HS6ST3: variants seen among roughly 807,000 people sequenced by gnomAD.
HS6ST3 encodes heparan sulfate 6-O-sulfotransferase 3.
Under a neutral mutation model 36.7 loss-of-function variants are expected in HS6ST3, and 12 were observed. The observed-to-expected ratio is 0.33, with a 90% CI of 0.21 to 0.53. The LOEUF (loss-of-function observed/expected upper bound fraction) is 0.53. HS6ST3 is among the 20% of genes least tolerant of loss of function. The pLI, the probability that HS6ST3 is intolerant of heterozygous loss-of-function variation, is 0.95. For synonymous variants in HS6ST3, 240 were observed against 257.5 expected (o/e 0.93, Z 0.65); for missense variants, 584 against 640.9 (o/e 0.91, Z 0.96).
intron 1 of HS6ST3, among the ~76,000 whole-genome samples, chr13:96,819,384 C>T (rs756456889): frequency 8.5e-5 from 13 of 152,148 alleles, no homozygotes; most frequent in Non-Finnish European, 2.9e-5. Flanking sequence ...AAAAAACATA[C>T]CAGAAGGCAT....
chr13:96,686,867 GT>G (rs996458673), intron 1 of HS6ST3, among the ~76,000 whole-genome samples: 11 of 151,964 alleles, frequency 7.2e-5, no homozygotes, highest in Admixed American at 3.9e-4. Flanking sequence ...TTACACATCT[GT>G]TATCTACAGT....
At chr13:96,553,883 T>C (rs989303222) in intron 1 of HS6ST3, among the ~76,000 whole-genome samples, 1 of 152,100 alleles carries the variant, frequency 6.6e-6, no homozygotes, top group Admixed American at 6.5e-5. Context: ...GGTAACAGCT[T>C]GATGAAGGAG....
intron 1 of HS6ST3, among the ~76,000 whole-genome samples, chr13:96,564,748 T>A (rs1205809211): frequency 1.3e-5 from 2 of 152,034 alleles, no homozygotes; most frequent in Admixed American, 1.3e-4. Flanking sequence ...TGACCCTAAA[T>A]AAATACACAA....
At chr13:96,496,320 G>C (rs1023647772) in intron 1 of HS6ST3, among the ~76,000 whole-genome samples, 1 of 152,166 alleles carries the variant, frequency 6.6e-6, no homozygotes, top group Admixed American at 6.5e-5. Context: ...CTGGAAGATT[G>C]CTTCCAAGAA....
At chr13:96,170,578 G>GT (rs1012038096) in intron 1 of HS6ST3, among the ~76,000 whole-genome samples, 32 of 150,908 alleles carry the variant, frequency 2.1e-4, no homozygotes, top group Non-Finnish European at 2.7e-4. Flanking sequence ...GGGAGAGAGG[G>GT]TTTTTTTTTC....
chr13:96,655,485 C>T (rs1218471474), intron 1 of HS6ST3, among the ~76,000 whole-genome samples: 1 of 152,114 alleles, frequency 6.6e-6, no homozygotes, highest in Admixed American at 6.6e-5. Flanking sequence ...TGCTGATTAT[C>T]GTTTAAGTCT....
chr13:96,554,897 G>A (rs1377739296), intron 1 of HS6ST3, among the ~76,000 whole-genome samples: 1 of 151,820 alleles, frequency 6.6e-6, no homozygotes, highest in African/African-American at 2.4e-5. Context: ...AGTGATCCAT[G>A]GCAAAACCCT....
At chr13:96,186,331 A>ATTTGC (rs1429808951) in intron 1 of HS6ST3, among the ~76,000 whole-genome samples, 2 of 152,172 alleles carry the variant, frequency 1.3e-5, no homozygotes, top group African/African-American at 4.8e-5. Flanking sequence ...TTTCATTAGC[A>ATTTGC]TTTGCCTTAC....
chr13:96,735,887 T>TA (rs1594848224), intron 1 of HS6ST3, among the ~76,000 whole-genome samples: 2 of 152,086 alleles, frequency 1.3e-5, no homozygotes, highest in Admixed American at 6.5e-5. Flanking sequence ...TATGCAGTCA[T>TA]AAAAAAGGAA....
Position 96,470,587 on chromosome 13 carries a change from T to A in HS6ST3, c.708-361903T>A, listed in dbSNP as rs574072214. Among the ~76,000 whole-genome samples the A allele has an allele frequency of 4.7e-4, 72 of 152,264 alleles. 2 individuals carry two copies. The highest frequency in any genetic ancestry group is 1.7e-3 in the African/African-American group (70 of 41,564). On this transcript the variant is annotated intron_variant, in intron 1 of 1. Coordinates refer to ENST00000376705, the MANE Select transcript of HS6ST3 (RefSeq NM_153456.4). ...CCCATTGTCATCCTGTGTATACGCC[T>A]CCCCACTTAGAACCTTGCCTCTTCC...
Position 96,833,183 on chromosome 13 carries a change from G to A in HS6ST3, c.1401G>A (p.Gln467=), listed in dbSNP as rs115169080. The A allele has an allele frequency of 4.3e-4, 670 of 1,566,260 alleles. No homozygotes were observed. In the African/African-American group the frequency reaches 8.0e-3, roughly 19 times the overall value. The change falls in exon 2 of 2, where the codon CAG becomes CAA. Residue 467 remains glutamine (Q), a synonymous_variant. Transcript: ENST00000376705. ...CTGTCACCGAGGACTACAACAGCCAGGTGGTGAGATGGTGACCTCCTGCCC... is the reference window on the plus strand; with the variant it reads ...CTGTCACCGAGGACTACAACAGCCAAGTGGTGAGATGGTGACCTCCTGCCC... ...EGTVTEDYNS[Q]VVRW
intron 1 of HS6ST3, among the ~76,000 whole-genome samples, chr13:96,640,204 C>T (rs1323215614): frequency 2.0e-5 from 3 of 151,870 alleles, no homozygotes; most frequent in Non-Finnish European, 4.4e-5. Flanking sequence ...TTAGTGTTCC[C>T]TTTTCTCTGT....
chr13:96,782,060 T>A (rs776135768), intron 1 of HS6ST3, among the ~76,000 whole-genome samples: 1 of 152,202 alleles, frequency 6.6e-6, no homozygotes, highest in Non-Finnish European at 1.5e-5. Context: ...ATAAGGCATA[T>A]TTTGTGATAT....
intron 1 of HS6ST3, chr13:96,573,645 C>G (rs141496495): frequency 0.02 from 5,593 of 276,552 alleles, 86 homozygotes; most frequent in Middle Eastern, 0.025. Context: ...AATACATCCT[C>G]CACTGGAGTC....
intron 1 of HS6ST3, among the ~76,000 whole-genome samples, chr13:96,161,561 A>T (rs2139329042): frequency 6.6e-6 from 1 of 152,156 alleles, no homozygotes. Context: ...ATATTTTACT[A>T]CTCTTTAGGT....
chr13:96,486,735 T>C (rs1031479704), intron 1 of HS6ST3, among the ~76,000 whole-genome samples: 2 of 152,164 alleles, frequency 1.3e-5, no homozygotes, highest in African/African-American at 4.8e-5. Context: ...CTTGTAAATT[T>C]AGGAGCTCTT....
intron 1 of HS6ST3, among the ~76,000 whole-genome samples, chr13:96,746,857 A>G (rs912685126): frequency 2.0e-5 from 3 of 152,084 alleles, no homozygotes; most frequent in Non-Finnish European, 4.4e-5. Context: ...CCTCATTGAT[A>G]AAAAGTAAAT....
At chr13:96,167,344 T>C (rs2054165967) in intron 1 of HS6ST3, among the ~76,000 whole-genome samples, 1 of 152,218 alleles carries the variant, frequency 6.6e-6, no homozygotes, top group Non-Finnish European at 1.5e-5. Context: ...CTCATCTTTT[T>C]TTCCCCTCTG....
At chr13:96,551,331 G>T (rs1262467074) in intron 1 of HS6ST3, among the ~76,000 whole-genome samples, 3 of 152,126 alleles carry the variant, frequency 2.0e-5, no homozygotes, top group Non-Finnish European at 4.4e-5. Context: ...AACAGGCAGA[G>T]TTTTTTTCTT....
Sources: gnomAD v4.1 joint callset for allele counts (sites outside exome capture counted in the v4.1 genomes callset) on GRCh38, gnomAD v4.1.1 for gene constraint, MANE v1.5 for transcripts, NCBI Gene and HGNC (gene_info 2026-07-23, HGNC 2026-07-21) for gene names.